FBXO15: variants seen among roughly 807,000 people sequenced by gnomAD.
FBXO15 encodes the protein F-box only protein 15.
In FBXO15, 30 loss-of-function variants were observed where a neutral mutation model predicts 49.5. The ratio of observed to expected loss-of-function variants is 0.61; its 90% confidence interval spans 0.45 to 0.82. FBXO15 has a LOEUF of 0.82. Among genes scored for constraint, FBXO15 ranks in the 40% least tolerant of loss-of-function variants. The pLI is 0.00. For missense variants in FBXO15, 591 were observed against 631.5 expected (o/e 0.94, Z 0.69); for synonymous variants, 250 against 232.7 (o/e 1.07, Z -0.68).
At chr18:74,107,800 C>T (rs181392905) in intron 8 of FBXO15, among the ~76,000 whole-genome samples, 1 of 152,054 alleles carries the variant, frequency 6.6e-6, no homozygotes, top group Non-Finnish European at 1.5e-5. Context: ...AAAGGTAACA[C>T]CAAAATGTAC....
In FBXO15 at chr18:74,074,777, A is replaced by G. The variant is rs922282957; in HGVS notation, c.1264-1047T>C. 6.6e-6 allele frequency among the ~76,000 whole-genome samples: 1 copy of G among 152,346 alleles called. No homozygotes were observed. Among genetic ancestry groups the G allele is most frequent in the Admixed American group, 6.5e-5 (1 of 15,304 alleles). On this transcript the variant is annotated intron_variant, in intron 9 of 9. Coordinates refer to ENST00000419743, the MANE Select transcript of FBXO15 (RefSeq NM_001142958.2). The surrounding 1 kb of genome is among the most constrained non-coding windows in gnomAD (Gnocchi z 4.7). ...TTCATGAACGCTGCTTTCATTGCAC[A>G]TGAATGTGTGGTCTGTATATGCCCA...
At chr18:74,133,466 T>C (rs541960274) in intron 3 of FBXO15, among the ~76,000 whole-genome samples, 1 of 152,256 alleles carries the variant, frequency 6.6e-6, no homozygotes, top group East Asian at 1.9e-4. Flanking sequence ...TACCCTTAAA[T>C]AAAGTGGGAA....
At chr18:74,097,379 G>A (rs1162837107) in intron 8 of FBXO15, 1 of 147,724 alleles carries the variant, frequency 6.8e-6, no homozygotes, top group Non-Finnish European at 1.5e-5. Context: ...AACAGACTTG[G>A]TGCTGTTGGG....
chr18:74,121,108 A>C (rs959805628), intron 8 of FBXO15, among the ~76,000 whole-genome samples: 1 of 152,188 alleles, frequency 6.6e-6, no homozygotes, highest in Non-Finnish European at 1.5e-5. Context: ...AAAATACCAC[A>C]GCTGACTCAA....
chr18:74,088,669 T>C (rs1461979089), intron 8 of FBXO15, among the ~76,000 whole-genome samples: 1 of 152,250 alleles, frequency 6.6e-6, no homozygotes, highest in Non-Finnish European at 1.5e-5. Flanking sequence ...TTGCTTAGGA[T>C]TGCCTTGACT....
chr18:74,145,594 C>CTTTTTTGTTTTTTTTTT (rs1979355135), intron 1 of FBXO15, among the ~76,000 whole-genome samples: 1 of 96,370 alleles, frequency 1.0e-5, no homozygotes, highest in African/African-American at 4.9e-5. Flanking sequence ...ACCAACTGCA[C>CTTTTTTGTTTTTTTTTT]TTTTTTTTTT....
rs760823560 is a variant in FBXO15 at position 74,145,594 on chromosome 18, C to CTT, written c.116+2074_116+2075dup. Among the ~76,000 whole-genome samples, 712 of 96,348 alleles carry CTT rather than the reference C, an allele frequency of 7.4e-3. 48 individuals carry two copies. The highest frequency in any genetic ancestry group is 0.016 in the African/African-American group (322 of 20,264). The allele number at this position is 96,348 out of a possible 152,430, so 63.2% of individuals were successfully genotyped here. On this transcript the variant is annotated intron_variant, in intron 1 of 9. Transcript: ENST00000419743. ...TTATCCATAAAATAAACCAACTGCA[C>CTT]TTTTTTTTTTTTTTTTTTTTTGCGA...
rs576336253 is a variant in FBXO15, at chr18:74,092,501, G to A, written c.1139-10450C>T. 3.2e-4 allele frequency among the ~76,000 whole-genome samples: 48 copies of A among 152,232 alleles called. 1 individual carries two copies. The highest frequency in any genetic ancestry group is 1.0e-3 in the African/African-American group (42 of 41,536). On this transcript the variant is annotated intron_variant, in intron 8 of 9. Coordinates refer to ENST00000419743, the MANE Select transcript of FBXO15 (RefSeq NM_001142958.2). ...GCAATGGTTCTTTCTCATCTGTGTG[G>A]GCTGATGTTTCTTCAATCTTCGAAG...
intron 7 of FBXO15, 40 bp from the exon 8 acceptor site, chr18:74,123,550 A>G (rs1490703995): frequency 4.5e-6 from 7 of 1,572,820 alleles, no homozygotes; most frequent in Non-Finnish European, 6.0e-6. Context: ...ATTTGTCAAC[A>G]CCAGGGATAA....
chr18:74,107,130 G>C (rs1219997405), intron 8 of FBXO15, among the ~76,000 whole-genome samples: 3 of 148,332 alleles, frequency 2.0e-5, no homozygotes, highest in Non-Finnish European at 4.5e-5. Flanking sequence ...ATTATTTTTT[G>C]TTTTATTTCA....
intron 8 of FBXO15, among the ~76,000 whole-genome samples, chr18:74,119,096 G>A (rs1313976816): frequency 3.9e-5 from 6 of 152,180 alleles, no homozygotes; most frequent in Admixed American, 6.5e-5. Flanking sequence ...TGGTGGAGAG[G>A]CTCAGGCCCT....
intron 5 of FBXO15, among the ~76,000 whole-genome samples, chr18:74,128,572 G>A (rs973374243): frequency 2.0e-5 from 3 of 152,200 alleles, no homozygotes; most frequent in African/African-American, 4.8e-5. Flanking sequence ...GGAAACCAAC[G>A]CAGGAGAAGG....
chr18:74,096,060 G>A (rs1913258984), intron 8 of FBXO15, among the ~76,000 whole-genome samples: 1 of 152,174 alleles, frequency 6.6e-6, no homozygotes. Flanking sequence ...GCAACTCATG[G>A]TCTCCACAAT....
chr18:74,123,164 T>C, intron 8 of FBXO15: 1 of 479,096 alleles, frequency 2.1e-6, no homozygotes, highest in South Asian at 3.7e-5. Flanking sequence ...GTGATGGTGG[T>C]GAAGGAGACA....
At chr18:74,131,272 C>T (rs534994025) in intron 3 of FBXO15, among the ~76,000 whole-genome samples, 14 of 152,314 alleles carry the variant, frequency 9.2e-5, no homozygotes, top group Non-Finnish European at 4.4e-5. Flanking sequence ...ATACATGACT[C>T]ATTTATTCCT....
At position 74,074,091 on chromosome 18, in the gene FBXO15, C is replaced by A. The variant is rs550751364; in HGVS notation, c.1264-361G>T. 6.6e-6 allele frequency among the ~76,000 whole-genome samples: 1 copy of A among 152,282 alleles called. No individual in the cohort carries two copies. The highest frequency in any genetic ancestry group is 2.1e-4 in the South Asian group (1 of 4,828). ...CCAACAACCAGTCAGCGCTTCCGAG[C>A]GTGAGGCACCGCATCACCCTGAGAA... On this transcript the variant is annotated intron_variant, in intron 9 of 9. Coordinates refer to ENST00000419743, the MANE Select transcript of FBXO15 (RefSeq NM_001142958.2). This position sits in a 1 kb window ranked among gnomAD's most constrained non-coding sequence, Gnocchi z 4.7.
At chr18:74,129,313 C>A in intron 5 of FBXO15, 92 bp downstream of exon 5, 2 of 1,089,636 alleles carry the variant, frequency 1.8e-6, no homozygotes, top group Non-Finnish European at 1.3e-6. Context: ...AATTAAAAAA[C>A]GCTGCTCTTA....
chr18:74,126,177 G>A (rs1330610955), intron 5 of FBXO15, 76 bp from the exon 6 acceptor site: 9 of 1,569,702 alleles, frequency 5.7e-6, no homozygotes, highest in East Asian at 4.5e-5. Context: ...TCTCTTTAGT[G>A]TATCACAAAT....
chr18:74,073,519 T>C lies in FBXO15; in HGVS notation c.1475A>G (p.Asn492Ser). The C allele has an allele frequency of 1.9e-6, 3 of 1,614,104 alleles. No individual in the cohort carries two copies. Among genetic ancestry groups the C allele is most frequent in the Non-Finnish European group, 2.5e-6 (3 of 1,180,026 alleles). Residue 492 changes from asparagine (N) to serine (S), a missense_variant, in exon 10 of 10, where the codon AAC (asparagine) becomes AGC (serine). Physicochemically the swap from Asn to Ser is conservative, Grantham distance 46. Transcript: ENST00000419743. ...IRETEEYLIV[N>S]LVLYLSIAKI... ...TGCGATACTAAGATAAAGGACCAGG[T>C]TGACAATAAGGTATTCTTCGGTCTC...
Sources: allele counts gnomAD v4.1 joint callset (sites outside exome capture counted in the v4.1 genomes callset), GRCh38; gene constraint gnomAD v4.1.1; non-coding constraint Gnocchi (gnomAD v3.1); transcripts MANE v1.5; gene names NCBI Gene and HGNC (gene_info 2026-07-23, HGNC 2026-07-21).